Variants in EGFL6 observed in about 807,000 individuals in gnomAD.
The protein encoded by EGFL6 is EGF like domain multiple 6, also known as epidermal growth factor-like protein 6.
A neutral mutation model predicts 43.1 loss-of-function variants in EGFL6; 42 were observed. The observed-to-expected ratio is 0.98, with a 90% CI of 0.76 to 1.26. The LOEUF (loss-of-function observed/expected upper bound fraction) is 1.26, where lower values mean the gene tolerates loss of function less well. Ranked by LOEUF, EGFL6 falls within the 50% of genes most tolerant of loss-of-function variation. EGFL6 has a pLI of 0.00. For synonymous variants in EGFL6, 164 were observed against 163.2 expected, an observed-to-expected ratio of 1.01 and a Z score of -0.04; for missense variants, 429 against 427.8, an observed-to-expected ratio of 1.00 and a Z score of -0.02.
At chrX:13,606,605 T>A in intron 6 of EGFL6, 92 bp downstream of exon 6, 1 of 1,009,846 alleles carries the variant, frequency 9.9e-7, no homozygotes, top group Non-Finnish European at 1.4e-6. Flanking sequence ...TTCAAGCTAT[T>A]AGTTGAACAA....
At chrX:13,621,644 A>G (rs1569209685) in intron 9 of EGFL6, among the ~76,000 whole-genome samples, 4 of 112,266 alleles carry the variant, frequency 3.6e-5, no homozygotes, top group Admixed American at 1.9e-4. Flanking sequence ...CCCTGGGAAA[A>G]TAACTTCCCA....
chrX:13,576,512 C>T lies in EGFL6; in HGVS notation c.74+6577C>T, dbSNP rs775336047. Among the ~76,000 whole-genome samples, 5 of 111,977 alleles carry T rather than the reference C, an allele frequency of 4.5e-5. No homozygotes were observed. In the South Asian group the frequency reaches 1.9e-3, roughly 42 times the overall value. The stretch of plus-strand genomic sequence containing the variant: ...AGAGGAAATAAATGAAGAACATCAT[C>T]CTCCCTTCACAGCCACATCCTGGAA... On this transcript the variant is annotated intron_variant, in intron 1 of 11. Coordinates refer to ENST00000361306, the MANE Select transcript of EGFL6 (RefSeq NM_015507.4).
intron 1 of EGFL6, among the ~76,000 whole-genome samples, chrX:13,582,495 G>A (rs764069715): frequency 2.7e-5 from 3 of 111,268 alleles, no homozygotes; most frequent in Non-Finnish European, 5.7e-5. Context: ...ATTCCTTACA[G>A]CAGATAAGAA....
chrX:13,582,777 T>C (rs781659436), intron 1 of EGFL6, among the ~76,000 whole-genome samples: 9 of 111,733 alleles, frequency 8.1e-5, no homozygotes, highest in Non-Finnish European at 1.7e-4. Flanking sequence ...CTCCTGTTAG[T>C]TAACCCCAGG....
rs182594717 is a variant in EGFL6 at position 13,615,654 on chromosome X, T to C, written c.779-2076T>C. On this transcript the variant is annotated intron_variant, in intron 7 of 11. Transcript: ENST00000361306. ...TTAGTGCTTGTTGGTTTTCTACCTATAGTCAGGCTGTCACAATGATAAATA... is the reference window on the plus strand; with the variant it reads ...TTAGTGCTTGTTGGTTTTCTACCTACAGTCAGGCTGTCACAATGATAAATA... Among the ~76,000 whole-genome samples the C allele has an allele frequency of 4.8e-3, 540 of 112,528 alleles. 1 individual carries two copies. The highest frequency in any genetic ancestry group is 0.016 in the African/African-American group (508 of 30,997).
chrX:13,582,066 T>C (rs1166593751), intron 1 of EGFL6, among the ~76,000 whole-genome samples: 6 of 108,832 alleles, frequency 5.5e-5, no homozygotes, highest in African/African-American at 1.7e-4. Flanking sequence ...CTTTTCTTTT[T>C]TTTTTTTTCT....
intron 2 of EGFL6, among the ~76,000 whole-genome samples, chrX:13,591,130 C>T (rs1318437739): frequency 8.9e-6 from 1 of 112,010 alleles, no homozygotes; most frequent in Non-Finnish European, 1.9e-5. Context: ...ACCAATAATT[C>T]TCATCACAGA....
chrX:13,578,778 G>A (rs1218757840), intron 1 of EGFL6, among the ~76,000 whole-genome samples: 4 of 108,152 alleles, frequency 3.7e-5, no homozygotes, highest in East Asian at 2.8e-4. Context: ...GGGGCCTGTC[G>A]TGGGGTGGGG....
At chrX:13,624,679 A>G (rs1325242372) in intron 10 of EGFL6, among the ~76,000 whole-genome samples, 2 of 111,817 alleles carry the variant, frequency 1.8e-5, no homozygotes, top group African/African-American at 6.5e-5. Flanking sequence ...CAGGGACTCC[A>G]GTTACTTATC....
chrX:13,573,114 A>G (rs2045451882), intron 1 of EGFL6, among the ~76,000 whole-genome samples: 1 of 112,059 alleles, frequency 8.9e-6, no homozygotes, highest in African/African-American at 3.2e-5. Context: ...ATTCAGGATA[A>G]TCTGCTCATT....
chrX:13,632,526 G>T (rs1385436321), intron 11 of EGFL6, among the ~76,000 whole-genome samples: 55 of 108,891 alleles, frequency 5.1e-4, no homozygotes, highest in African/African-American at 1.8e-3. Flanking sequence ...GGATGATCTT[G>T]ATCTCCTGAC....
chrX:13,613,157 CATATATAT>C (rs35293457), intron 7 of EGFL6, among the ~76,000 whole-genome samples: 14 of 89,415 alleles, frequency 1.6e-4, no homozygotes, highest in African/African-American at 6.0e-4. Context: ...TAAATATATA[CATATATAT>C]ATATATATAT....
intron 1 of EGFL6, 30 bp downstream of exon 1, chrX:13,569,965 C>T (rs752895472): frequency 8.3e-7 from 1 of 1,197,894 alleles, no homozygotes; most frequent in Non-Finnish European, 1.1e-6. Context: ...TTGGCTTCCC[C>T]CCACCCCCGG....
intron 6 of EGFL6, among the ~76,000 whole-genome samples, chrX:13,606,854 C>T (rs1399402631): frequency 8.9e-6 from 1 of 111,920 alleles, no homozygotes; most frequent in East Asian, 2.8e-4. Flanking sequence ...AAAATCAGAA[C>T]AATAAAGCAG....
At chrX:13,621,625 G>C (rs1243119316) in intron 9 of EGFL6, among the ~76,000 whole-genome samples, 1 of 112,136 alleles carries the variant, frequency 8.9e-6, no homozygotes. Flanking sequence ...ATCACTGGTT[G>C]AGGGCTGTCC....
At chrX:13,621,988 A>G (rs2045751137) in intron 9 of EGFL6, among the ~76,000 whole-genome samples, 1 of 112,388 alleles carries the variant, frequency 8.9e-6, no homozygotes, top group Non-Finnish European at 1.9e-5. Context: ...ATGTGGAGGA[A>G]GGGGAAGAGT....
rs1337636879 is a variant in EGFL6 at position 13,603,310 on chromosome X, T to A, written c.401-7T>A. On this transcript the variant is annotated splice_region_variant and splice_polypyrimidine_tract_variant and intron_variant, in intron 4 of 11. Transcript: ENST00000361306. The stretch of plus-strand genomic sequence containing the variant: ...AGAGAAAGGCTAATCCTTGTCTACT[T>A]TTTCAGACTCTAGGACATGTGCCAT... 8.4e-7 allele frequency: 1 copy of A among 1,193,912 alleles called. No homozygotes were observed. Among genetic ancestry groups the A allele is most frequent in the East Asian group, 3.0e-5 (1 of 33,426 alleles).
chrX:13,582,252 G>A (rs1041650999), intron 1 of EGFL6, among the ~76,000 whole-genome samples: 3 of 109,052 alleles, frequency 2.8e-5, no homozygotes, highest in African/African-American at 1.0e-4. Context: ...TAGTAGAGAC[G>A]GGGTTTCACC....
intron 6 of EGFL6, among the ~76,000 whole-genome samples, chrX:13,607,325 A>G (rs376710194): frequency 9.0e-6 from 1 of 111,530 alleles, no homozygotes; most frequent in Non-Finnish European, 1.9e-5. Flanking sequence ...ATGGAAGGCT[A>G]ATAGTTGAGA....
Sources: allele counts gnomAD v4.1 joint callset (sites outside exome capture counted in the v4.1 genomes callset), GRCh38; gene constraint gnomAD v4.1.1; transcripts MANE v1.5; gene names NCBI Gene and HGNC (gene_info 2026-07-23, HGNC 2026-07-21).